CAST: variants seen among roughly 807,000 people sequenced by gnomAD.
The protein encoded by CAST is MIR583 host.
CAST carries 76 observed loss-of-function variants against 119.6 expected under a neutral mutation model. The ratio of observed to expected loss-of-function variants is 0.64; its 90% CI spans 0.53 to 0.77. CAST has a LOEUF of 0.77. CAST is among the 30% of genes least tolerant of loss of function. CAST has a pLI of 0.00. For missense variants in CAST, 953 were observed against 946.5 expected (o/e 1.01, Z -0.09); for synonymous variants, 319 against 331.6 (o/e 0.96, Z 0.41).
chr5:96,698,904 C>T (rs893378920), intron 3 of CAST, among the ~76,000 whole-genome samples: 1 of 152,104 alleles, frequency 6.6e-6, no homozygotes, highest in East Asian at 1.9e-4. Flanking sequence ...TAATTTGAAG[C>T]ATATGTGTAA....
chr5:96,407,646 T>G, the CAST span, among the ~76,000 whole-genome samples: 1 of 152,218 alleles, frequency 6.6e-6, no homozygotes. Flanking sequence ...TTACTGACAA[T>G]GGTGTTTAAG....
At chr5:96,408,569 C>T in the CAST span, among the ~76,000 whole-genome samples, 6 of 152,148 alleles carry the variant, frequency 3.9e-5, no homozygotes, top group Admixed American at 3.9e-4. Flanking sequence ...TGAAGTACTC[C>T]CACTACGAAT....
chr5:96,495,636 A>T, the CAST span, among the ~76,000 whole-genome samples: 1 of 152,150 alleles, frequency 6.6e-6, no homozygotes, highest in Non-Finnish European at 1.5e-5. Context: ...CATGGTGCAT[A>T]TGTGCCACAT....
chr5:96,162,527 C>T, the CAST span, among the ~76,000 whole-genome samples: 1 of 152,112 alleles, frequency 6.6e-6, no homozygotes, highest in Non-Finnish European at 1.5e-5. Context: ...AAGCAATTCT[C>T]CTGCCTTAGC....
the CAST span, among the ~76,000 whole-genome samples, chr5:96,456,014 T>TGAAA: frequency 1.3e-5 from 2 of 151,596 alleles, no homozygotes; most frequent in African/African-American, 4.8e-5. Context: ...AAACAGAAAA[T>TGAAA]GAAAGTGAGG....
chr5:96,214,140 A>C, the CAST span, among the ~76,000 whole-genome samples: 3 of 152,204 alleles, frequency 2.0e-5, no homozygotes, highest in Non-Finnish European at 2.9e-5. Flanking sequence ...CAGAAGATTA[A>C]ATCTAAAAAT....
chr5:96,262,771 G>A, the CAST span, among the ~76,000 whole-genome samples: 39 of 152,096 alleles, frequency 2.6e-4, 1 homozygote, highest in Non-Finnish European at 4.7e-4. Flanking sequence ...TCCTGACCTC[G>A]TGATCCGCCT....
the CAST span, chr5:96,393,359 T>C: frequency 6.2e-7 from 1 of 1,613,848 alleles, no homozygotes; most frequent in Non-Finnish European, 8.5e-7. Flanking sequence ...CTCCTTAGGG[T>C]TCTCTTGTGT....
At chr5:96,257,068 A>G in the CAST span, among the ~76,000 whole-genome samples, 1 of 152,226 alleles carries the variant, frequency 6.6e-6, no homozygotes, top group Non-Finnish European at 1.5e-5. Context: ...ACGCAGCAGC[A>G]TCTGCAGTGC....
chr5:96,424,733 C>T, the CAST span, among the ~76,000 whole-genome samples: 2 of 152,024 alleles, frequency 1.3e-5, no homozygotes, highest in African/African-American at 2.4e-5. Context: ...GAGGCCAAGG[C>T]GGGTGGATCA....
chr5:96,101,209 T>G, the CAST span, among the ~76,000 whole-genome samples: 10 of 152,306 alleles, frequency 6.6e-5, no homozygotes, highest in Admixed American at 6.5e-4. Context: ...GCCTGGCCAT[T>G]TGTTTTATTT....
At chr5:96,178,070 T>A in the CAST span, among the ~76,000 whole-genome samples, 1 of 152,208 alleles carries the variant, frequency 6.6e-6, no homozygotes, top group Non-Finnish European at 1.5e-5. Flanking sequence ...GAAGAACTCA[T>A]CTCAAATATA....
the CAST span, among the ~76,000 whole-genome samples, chr5:96,425,107 C>G: frequency 2.0e-5 from 3 of 152,068 alleles, no homozygotes; most frequent in South Asian, 6.2e-4. Flanking sequence ...ATCCCCTTTT[C>G]TAACCCTTAT....
the CAST span, among the ~76,000 whole-genome samples, chr5:96,079,388 T>C: frequency 6.6e-6 from 1 of 152,214 alleles, no homozygotes; most frequent in Non-Finnish European, 1.5e-5. Flanking sequence ...AGCTCTCTTA[T>C]AGGTAAATAC....
the CAST span, among the ~76,000 whole-genome samples, chr5:96,060,383 G>T: frequency 6.6e-6 from 1 of 152,030 alleles, no homozygotes; most frequent in Non-Finnish European, 1.5e-5. Flanking sequence ...ATAGATGGTG[G>T]GAAATAAATC....
At chr5:96,617,564 C>T (rs976986885) in intron 1 of CAST, among the ~76,000 whole-genome samples, 17 of 151,766 alleles carry the variant, frequency 1.1e-4, no homozygotes, top group Admixed American at 2.0e-4. Context: ...CCAAGGCGGG[C>T]GAATCACAAG....
At chr5:96,619,720 T>A (rs938773063) in intron 1 of CAST, among the ~76,000 whole-genome samples, 1 of 150,740 alleles carries the variant, frequency 6.6e-6, no homozygotes, top group Non-Finnish European at 1.5e-5. Flanking sequence ...AATAACAAAC[T>A]CCAGGCACAC....
the CAST span, among the ~76,000 whole-genome samples, chr5:95,985,531 T>C: frequency 6.6e-6 from 1 of 151,958 alleles, no homozygotes; most frequent in African/African-American, 2.4e-5. Context: ...AAGTGAGGAG[T>C]TGAGCTTTCA....
chr5:96,768,286 T>C lies in CAST; in HGVS notation c.2268+287T>C, dbSNP rs914073963. 1.9e-5 allele frequency: 8 copies of C among 415,506 alleles called. No homozygotes were observed. The East Asian group carries it at 4.3e-4, about 22-fold the overall frequency. 25.7% of individuals were successfully genotyped at this position (415,506 alleles called of 1,614,324 possible). On this transcript the variant is annotated intron_variant, in intron 29 of 31. Transcript: ENST00000675179. The stretch of plus-strand genomic sequence containing the variant: ...TTTTTGTAGAGAGGGGGTTTCGCCA[T>C]GTTGCCAGGCTGGTCTCGAGCTCTT...
Sources: gnomAD v4.1 joint callset for allele counts (sites outside exome capture counted in the v4.1 genomes callset) on GRCh38, gnomAD v4.1.1 for gene constraint, MANE v1.5 for transcripts, NCBI Gene and HGNC (gene_info 2026-07-23, HGNC 2026-07-21) for gene names.